The following MCTP1 variants were observed in gnomAD, a reference collection of about 807,000 sequenced individuals.
MCTP1 encodes the protein multiple C2 and transmembrane domain-containing protein 1.
Under a neutral mutation model 120.6 loss-of-function variants are expected in MCTP1, and 69 were observed. The observed-to-expected ratio is 0.57, with a 90% CI of 0.47 to 0.70. MCTP1 has a LOEUF of 0.70. Ranked by LOEUF, MCTP1 falls within the 30% of genes least tolerant of loss-of-function variation. The pLI is 0.00. For missense variants in MCTP1, 1,203 were observed against 1,248.8 expected (o/e 0.96, Z 0.55); for synonymous variants, 529 against 493.1 (o/e 1.07, Z -0.96).
At position 94,733,389 on chromosome 5, in the gene MCTP1, T is replaced by C. The variant is rs543444144; in HGVS notation, c.2611-18503A>G. Among the ~76,000 whole-genome samples, 33 of 152,334 alleles carry C rather than the reference T, an allele frequency of 2.2e-4. No individual in the cohort carries two copies. The South Asian group carries it at 5.6e-3, about 26-fold the overall frequency. On this transcript the variant is annotated intron_variant, in intron 19 of 22. Transcript: ENST00000515393. ...GCACAGCAATACGATCAATACAGGA[T>C]TTCCATCATCTTTCCTTAGAACAAA...
At chr5:95,133,130 T>G (rs1160015010) in intron 1 of MCTP1, among the ~76,000 whole-genome samples, 1 of 152,204 alleles carries the variant, frequency 6.6e-6, no homozygotes. Flanking sequence ...CTTAAGCTTT[T>G]TATGGGAGAC....
chr5:95,272,427 A>G (rs566754522), intron 1 of MCTP1, among the ~76,000 whole-genome samples: 63 of 152,342 alleles, frequency 4.1e-4, no homozygotes, highest in African/African-American at 1.5e-3. Context: ...TAGTCCCACA[A>G]CACAGTTCCA....
intron 1 of MCTP1, among the ~76,000 whole-genome samples, chr5:95,214,321 T>C (rs1254884823): frequency 6.6e-6 from 1 of 152,058 alleles, no homozygotes; most frequent in Non-Finnish European, 1.5e-5. Context: ...TGAGATACCA[T>C]CTCACACCAG....
chr5:94,830,362 C>A (rs546062444), intron 17 of MCTP1, among the ~76,000 whole-genome samples: 1 of 152,174 alleles, frequency 6.6e-6, no homozygotes, highest in East Asian at 1.9e-4. Context: ...TTAAAAGTAG[C>A]CCTTGCAGTA....
rs1775066797 is a variant in MCTP1 at position 94,775,383 on chromosome 5, T to A, written c.2610+3727A>T. Among the ~76,000 whole-genome samples, 3 of 152,300 alleles carry A rather than the reference T, an allele frequency of 2.0e-5. No homozygotes were observed. In the South Asian group the frequency reaches 6.2e-4, roughly 32 times the overall value. On this transcript the variant is annotated intron_variant, in intron 19 of 22. Coordinates refer to ENST00000515393, the MANE Select transcript of MCTP1 (RefSeq NM_024717.7). Reference sequence around the variant, plus strand: ...AAAGCTGATCTTCATTAATTAGATGTCTAGATTATGCAGACTGACCACTGT... The same window carrying A: ...AAAGCTGATCTTCATTAATTAGATGACTAGATTATGCAGACTGACCACTGT...
At chr5:94,795,671 G>C (rs1441889251) in intron 18 of MCTP1, among the ~76,000 whole-genome samples, 1 of 152,186 alleles carries the variant, frequency 6.6e-6, no homozygotes, top group Non-Finnish European at 1.5e-5. Context: ...CAACTCTAAT[G>C]CTAGAAATTT....
At chr5:95,069,818 C>T (rs1751674917) in intron 1 of MCTP1, among the ~76,000 whole-genome samples, 1 of 151,900 alleles carries the variant, frequency 6.6e-6, no homozygotes. Flanking sequence ...CCTGCCTCAG[C>T]CTCCTGAGTA....
chr5:94,951,833 A>T (rs1420223112), intron 3 of MCTP1, among the ~76,000 whole-genome samples: 1 of 152,066 alleles, frequency 6.6e-6, no homozygotes, highest in Non-Finnish European at 1.5e-5. Flanking sequence ...TCTCATATTA[A>T]CGTTATTGTG....
intron 1 of MCTP1, among the ~76,000 whole-genome samples, chr5:95,055,186 A>G (rs779875626): frequency 6.6e-6 from 1 of 152,172 alleles, no homozygotes; most frequent in Non-Finnish European, 1.5e-5. Context: ...TGGTTTGGAA[A>G]ATTAAGTTTT....
rs190784496 is a variant in MCTP1 at position 94,780,120 on chromosome 5, T to C, written c.2557-957A>G. On this transcript the variant is annotated intron_variant, in intron 18 of 22. Coordinates refer to ENST00000515393, the MANE Select transcript of MCTP1 (RefSeq NM_024717.7). ...AACTTATTGTGTTTGACATTTGATA[T>C]GGTTTTTAAATTCCTGTGTCTTTTT... 3.3e-5 allele frequency among the ~76,000 whole-genome samples: 5 copies of C among 151,730 alleles called. No homozygotes were observed. The East Asian group carries it at 9.6e-4, about 29-fold the overall frequency.
chr5:95,179,211 G>A (rs1366281490), intron 1 of MCTP1, among the ~76,000 whole-genome samples: 1 of 152,144 alleles, frequency 6.6e-6, no homozygotes, highest in Non-Finnish European at 1.5e-5. Context: ...AATAACTGGT[G>A]GTGTTCCTGA....
chr5:94,968,165 T>A (rs1826016841), intron 2 of MCTP1, among the ~76,000 whole-genome samples: 1 of 152,228 alleles, frequency 6.6e-6, no homozygotes, highest in East Asian at 1.9e-4. Flanking sequence ...TTACCAAGTA[T>A]ATTTTAGCAA....
chr5:94,855,478 A>G (rs1581051943), intron 17 of MCTP1, among the ~76,000 whole-genome samples: 1 of 151,818 alleles, frequency 6.6e-6, no homozygotes, highest in African/African-American at 2.4e-5. Context: ...CCAACTGGCA[A>G]TTGTTGCTGT....
intron 1 of MCTP1, among the ~76,000 whole-genome samples, chr5:95,146,634 T>C (rs1760421355): frequency 6.6e-6 from 1 of 152,174 alleles, no homozygotes; most frequent in Non-Finnish European, 1.5e-5. Context: ...CTTAATTTTG[T>C]TGTTCACCCA....
At chr5:95,117,951 G>A (rs898968799) in intron 1 of MCTP1, among the ~76,000 whole-genome samples, 1 of 152,128 alleles carries the variant, frequency 6.6e-6, no homozygotes, top group African/African-American at 2.4e-5. Flanking sequence ...CCTATAAATG[G>A]GAGCTGAACA....
At chr5:95,140,866 C>A (rs1457554362) in intron 1 of MCTP1, among the ~76,000 whole-genome samples, 1 of 113,870 alleles carries the variant, frequency 8.8e-6, no homozygotes, top group Non-Finnish European at 1.6e-5. Flanking sequence ...GGCGACAGAG[C>A]GAGACTCCGT....
At chr5:95,078,766 T>G (rs1350436995) in intron 1 of MCTP1, among the ~76,000 whole-genome samples, 3 of 152,146 alleles carry the variant, frequency 2.0e-5, no homozygotes, top group Middle Eastern at 3.2e-3. Context: ...CTACTAATTG[T>G]GTGATGTCAG....
intron 13 of MCTP1, among the ~76,000 whole-genome samples, chr5:94,872,315 G>A (rs1797976964): frequency 6.6e-6 from 1 of 151,976 alleles, no homozygotes; most frequent in Non-Finnish European, 1.5e-5. Context: ...AATCTTCTTA[G>A]GAGTACAAGT....
intron 1 of MCTP1, among the ~76,000 whole-genome samples, chr5:95,087,544 A>G (rs1228215353): frequency 2.0e-5 from 3 of 152,312 alleles, no homozygotes; most frequent in East Asian, 3.9e-4. Flanking sequence ...GAAAGGCTAC[A>G]GCTCTGGGTT....
Sources: allele counts gnomAD v4.1 joint callset (sites outside exome capture counted in the v4.1 genomes callset), GRCh38; gene constraint gnomAD v4.1.1; transcripts MANE v1.5; gene names NCBI Gene and HGNC (gene_info 2026-07-23, HGNC 2026-07-21).